Variants in INSC observed in about 807,000 individuals in gnomAD.
INSC encodes the protein protein inscuteable homolog.
In INSC, 67 loss-of-function variants were observed where a neutral mutation model predicts 58.6. The ratio of observed to expected loss-of-function variants is 1.14; its 90% CI spans 0.94 to 1.40. The LOEUF (loss-of-function observed/expected upper bound fraction) is 1.40, where lower values mean the gene tolerates loss of function less well. Ranked by LOEUF, INSC falls within the 40% of genes most tolerant of loss-of-function variation. The pLI is 0.00. For missense variants in INSC, 714 were observed against 692.0 expected (o/e 1.03, Z -0.36); for synonymous variants, 262 against 276.1 (o/e 0.95, Z 0.51).
At chr11:15,254,867 A>G in the INSC span, among the ~76,000 whole-genome samples, 1 of 152,232 alleles carries the variant, frequency 6.6e-6, no homozygotes, top group Admixed American at 6.5e-5. Flanking sequence ...AAACAGGCTT[A>G]AAATTACAGA....
At chr11:15,199,795 C>T (rs1469234848) in intron 6 of INSC, among the ~76,000 whole-genome samples, 1 of 152,148 alleles carries the variant, frequency 6.6e-6, no homozygotes, top group Non-Finnish European at 1.5e-5. Context: ...GGCACCCTGC[C>T]AGCTTTCAGG....
chr11:15,183,996 T>C (rs571041101), intron 5 of INSC, among the ~76,000 whole-genome samples: 25 of 152,216 alleles, frequency 1.6e-4, no homozygotes, highest in African/African-American at 5.5e-4. Flanking sequence ...TTTCTTTTTC[T>C]TTAAATACAT....
chr11:15,221,222 G>A lies in INSC; in HGVS notation c.820-255G>A, dbSNP rs75456237. On this transcript the variant is annotated intron_variant, in intron 7 of 12. Coordinates refer to ENST00000379556, the MANE Select transcript of INSC (RefSeq NM_001042536.3). ...ACTCTAGACACTTGACTTGATGTCC[G>A]CTATCTAGGAGGCCCATGAAAGGTT... Among the ~76,000 whole-genome samples the A allele has an allele frequency of 7.1e-3, 1,079 of 152,044 alleles. 16 individuals carry two copies. The highest frequency in any genetic ancestry group is 0.023 in the African/African-American group (963 of 41,486).
intron 12 of INSC, among the ~76,000 whole-genome samples, chr11:15,244,322 G>C (rs571864420): frequency 6.6e-6 from 1 of 152,196 alleles, no homozygotes; most frequent in South Asian, 2.1e-4. Flanking sequence ...GGCAGTTCTG[G>C]GGAGTCTACT....
At chr11:15,236,307 G>T (rs1344063980) in intron 10 of INSC, among the ~76,000 whole-genome samples, 2 of 151,890 alleles carry the variant, frequency 1.3e-5, no homozygotes, top group African/African-American at 2.4e-5. Flanking sequence ...GGGGGGTGGT[G>T]GTTGCTATTT....
At chr11:15,222,424 G>A (rs1020642214) in intron 8 of INSC, among the ~76,000 whole-genome samples, 1 of 152,096 alleles carries the variant, frequency 6.6e-6, no homozygotes, top group Admixed American at 6.5e-5. Context: ...TTAGCTCTTG[G>A]AGTCACCATG....
intron 1 of INSC, among the ~76,000 whole-genome samples, chr11:15,133,544 C>T (rs527708621): frequency 3.3e-5 from 5 of 152,204 alleles, no homozygotes; most frequent in East Asian, 1.9e-4. Flanking sequence ...TTGACATAGA[C>T]GGTTTATTTT....
In INSC at chr11:15,177,131, G is replaced by A; in HGVS notation, c.423G>A (p.Glu141=). 6.2e-7 allele frequency: 1 copy of A among 1,614,104 alleles called. No homozygotes were observed. The highest frequency in any genetic ancestry group is 8.5e-7 in the Non-Finnish European group (1 of 1,179,982). ...EMGEIEKLLM[E]KCSELSAVTE... ...TACAGATTGAGAAGCTGCTAATGGAGAAATGCTCGGAGCTCTCGGCAGTCA... is the reference window on the plus strand; with the variant it reads ...TACAGATTGAGAAGCTGCTAATGGAAAAATGCTCGGAGCTCTCGGCAGTCA... Residue 141 remains glutamate, a synonymous_variant, in exon 4 of 13, where the codon GAG becomes GAA. Transcript: ENST00000379556.
intron 2 of INSC, among the ~76,000 whole-genome samples, chr11:15,165,890 G>A (rs1482839791): frequency 6.6e-6 from 1 of 152,086 alleles, no homozygotes; most frequent in Non-Finnish European, 1.5e-5. Flanking sequence ...GGGAACATAT[G>A]TTAGATGAAC....
chr11:15,177,315 A>G lies in INSC; in HGVS notation c.455+152A>G, dbSNP rs1056869429. 10 of 667,364 alleles carry G rather than the reference A, an allele frequency of 1.5e-5. No homozygotes were observed. In the East Asian group the frequency reaches 2.7e-4, roughly 18 times the overall value. 41.3% of individuals were successfully genotyped at this position (667,364 alleles called of 1,614,324 possible). A position where few individuals can be genotyped will look rare whatever the true frequency, so the allele number is the denominator to read the frequency against. ...TCTGACTTTTATCAGAAATCTTAAA[A>G]TATTCTCTTGAAATTTTCTGCCCCA... is the stretch of plus-strand genomic sequence containing the variant. On this transcript the variant is annotated intron_variant, in intron 4 of 12. Coordinates refer to ENST00000379556, the MANE Select transcript of INSC (RefSeq NM_001042536.3).
intron 9 of INSC, among the ~76,000 whole-genome samples, chr11:15,231,507 G>A (rs778339299): frequency 9.9e-5 from 15 of 152,262 alleles, no homozygotes; most frequent in Non-Finnish European, 1.9e-4. Flanking sequence ...TGTAGGTCAT[G>A]GGTTGGACAA....
intron 2 of INSC, among the ~76,000 whole-genome samples, chr11:15,159,356 G>A (rs1848934312): frequency 6.6e-6 from 1 of 152,122 alleles, no homozygotes; most frequent in South Asian, 2.1e-4. Flanking sequence ...AGAGGTATCA[G>A]GATGGTAATG....
chr11:15,217,218 AAGG>A (rs1469313945), intron 7 of INSC, among the ~76,000 whole-genome samples: 3 of 152,180 alleles, frequency 2.0e-5, no homozygotes, highest in East Asian at 3.9e-4. Flanking sequence ...TGGCAGCAGC[AAGG>A]AGAAGTGCAG....
chr11:15,266,420 T>A, the INSC span, among the ~76,000 whole-genome samples: 7 of 152,184 alleles, frequency 4.6e-5, no homozygotes, highest in African/African-American at 1.7e-4. Flanking sequence ...CTTGGTTATG[T>A]CCATCATCTG....
intron 5 of INSC, among the ~76,000 whole-genome samples, chr11:15,178,880 C>T (rs763085208): frequency 1.1e-4 from 16 of 152,214 alleles, no homozygotes; most frequent in Non-Finnish European, 2.2e-4. Context: ...ACCTGATCCC[C>T]CTCTTCTCTG....
Position 15,176,130 on chromosome 11 carries a change from G to A in INSC, c.402+44G>A. On this transcript the variant is annotated intron_variant, in intron 3 of 12. Coordinates refer to ENST00000379556, the MANE Select transcript of INSC (RefSeq NM_001042536.3). Reference sequence around the variant, plus strand: ...GGAGTGGGCGGGAACTGGAAGTCAGGGTGCTTTAGAGAAGAGTGGGTTTGA... The same window carrying A: ...GGAGTGGGCGGGAACTGGAAGTCAGAGTGCTTTAGAGAAGAGTGGGTTTGA... The A allele has an allele frequency of 2.1e-6, 3 of 1,441,536 alleles. No homozygotes were observed. The South Asian group carries it at 4.4e-5, about 21-fold the overall frequency. The allele number at this position is 1,441,536 out of a possible 1,614,324, so 89.3% of individuals were successfully genotyped here.
intron 7 of INSC, among the ~76,000 whole-genome samples, chr11:15,207,921 T>C (rs1392658831): frequency 2.0e-5 from 3 of 152,088 alleles, no homozygotes; most frequent in African/African-American, 7.2e-5. Flanking sequence ...AGGATAGAGA[T>C]ACTGGGAGGG....
the INSC span, among the ~76,000 whole-genome samples, chr11:15,256,203 C>T: frequency 6.6e-6 from 1 of 152,186 alleles, no homozygotes; most frequent in Non-Finnish European, 1.5e-5. Context: ...ACACCATTCC[C>T]AACTGCGCTG....
chr11:15,132,480 C>T (rs1848147845), intron 1 of INSC, among the ~76,000 whole-genome samples: 1 of 152,068 alleles, frequency 6.6e-6, no homozygotes. Context: ...GAGATGGAGC[C>T]TGCACTATGT....
Sources: allele counts gnomAD v4.1 joint callset (sites outside exome capture counted in the v4.1 genomes callset), GRCh38; gene constraint gnomAD v4.1.1; transcripts MANE v1.5; gene names NCBI Gene and HGNC (gene_info 2026-07-23, HGNC 2026-07-21).